ADGRE2: variants seen among roughly 807,000 people sequenced by gnomAD.
ADGRE2 encodes the protein adhesion G protein-coupled receptor E2.
A neutral mutation model predicts 100.8 loss-of-function variants in ADGRE2; 83 were observed. That is an observed-to-expected ratio of 0.82 (90% CI 0.69 to 0.99). The LOEUF is 0.99. Ranked by LOEUF, ADGRE2 falls within the 50% of genes least tolerant of loss-of-function variation. The probability of loss-of-function intolerance (pLI) is 0.00; values close to 1 mark genes in which losing one functional copy is unlikely to be tolerated. For synonymous variants in ADGRE2, 355 were observed against 413.0 expected (o/e 0.86, Z 1.70); for missense variants, 814 against 1,035.7 (o/e 0.79, Z 2.94).
intron 18 of ADGRE2, among the ~76,000 whole-genome samples, chr19:14,745,950 G>A (rs960649898): frequency 2.5e-4 from 38 of 152,098 alleles, no homozygotes; most frequent in East Asian, 1.9e-4. Flanking sequence ...TGATCGAATC[G>A]TATCCTATTT....
At chr19:14,726,892 A>G in the ADGRE2 span, among the ~76,000 whole-genome samples, 2 of 152,130 alleles carry the variant, frequency 1.3e-5, no homozygotes, top group Non-Finnish European at 2.9e-5. Context: ...TGAGCCCTCC[A>G]AACTCTTCCA....
chr19:14,761,410 A>G (rs1311212267), intron 11 of ADGRE2, among the ~76,000 whole-genome samples: 3 of 151,976 alleles, frequency 2.0e-5, no homozygotes, highest in African/African-American at 7.3e-5. Context: ...TGTCTCCAAC[A>G]GAAGACAACA....
chr19:14,774,027 G>T lies in ADGRE2; in HGVS notation c.110C>A (p.Ser37Tyr). Residue 37 changes from serine (S) to tyrosine (Y), a missense_variant, in exon 4 of 21, where the codon TCC becomes TAC. Ser to Tyr is a moderately radical substitution (Grantham distance 144). Around this residue, in one of 5 missense-constraint regions of ADGRE2, gnomAD observed 143 missense variants for 160.3 expected, o/e 0.89. Coordinates refer to ENST00000315576, the MANE Select transcript of ADGRE2 (RefSeq NM_013447.4). ...ACAGGCGGTGGCATTGACACACGAG[G>T]AGTCCTGAGGGCACCACCGGGCACA... is the stretch of plus-strand genomic sequence containing the variant. ...RGCARWCPQD[S>Y]SCVNATACRC... 1 of 1,613,984 alleles carries T rather than the reference G, an allele frequency of 6.2e-7. No homozygotes were observed. Among genetic ancestry groups the T allele is most frequent in the African/African-American group, 1.3e-5 (1 of 74,978 alleles).
chr19:14,744,503 T>C (rs1360240284), intron 18 of ADGRE2, among the ~76,000 whole-genome samples: 1 of 152,122 alleles, frequency 6.6e-6, no homozygotes, highest in Admixed American at 6.6e-5. Context: ...TCACCCAGGC[T>C]GGAGTGCAGT....
In ADGRE2 at chr19:14,733,413, C is replaced by T. The variant is rs186781449; in HGVS notation, c.*2823G>A. The T allele has an allele frequency of 1.3e-5, 2 of 152,288 alleles. No homozygotes were observed. The highest frequency in any genetic ancestry group is 1.9e-4 in the East Asian group (1 of 5,192). The allele number at this position is 152,288 out of a possible 1,614,324, so 9.4% of individuals were successfully genotyped here. The stretch of plus-strand genomic sequence containing the variant: ...GGAGGAAAAGTCTCTTGGGTAACTG[C>T]CAAACTTCACCCTCATACAATGGGC... On this transcript the variant is annotated 3_prime_UTR_variant, in exon 21 of 21. Coordinates refer to ENST00000315576, the MANE Select transcript of ADGRE2 (RefSeq NM_013447.4).
downstream of ADGRE2, chr19:14,731,322 T>C (rs2042669502): frequency 1.0e-5 from 9 of 868,840 alleles, no homozygotes; most frequent in South Asian, 1.1e-4. Context: ...GTCAGTGGCC[T>C]TGGACTTTCA....
rs1348787800 is a variant in ADGRE2 at position 14,755,748 on chromosome 19, G to A, written c.1322C>T (p.Ser441Phe). 1.2e-6 allele frequency: 2 copies of A among 1,614,164 alleles called. No homozygotes were observed. The highest frequency in any genetic ancestry group is 8.5e-7 in the Non-Finnish European group (1 of 1,180,006). Reference sequence around the variant, plus strand: ...GATCACATCTGAGAGCAGGATGGGGGAGCCGTCCTGCAGCAAGCCCTGGTG... The same window carrying A: ...GATCACATCTGAGAGCAGGATGGGGAAGCCGTCCTGCAGCAAGCCCTGGTG... ...ETHQGLLQDG[S>F]PILLSDVISA... is the part of the protein sequence containing the mutation. Residue 441 changes from serine (S) to phenylalanine (F), a missense_variant, in exon 13 of 21, where the codon TCC (serine) becomes TTC (phenylalanine). Physicochemically the swap from Ser to Phe is radical, Grantham distance 155. Transcript: ENST00000315576.
chr19:14,751,263 A>G (rs959360009), intron 16 of ADGRE2, among the ~76,000 whole-genome samples, 173 bp downstream of exon 16: 6 of 152,188 alleles, frequency 3.9e-5, no homozygotes, highest in Admixed American at 3.3e-4. Context: ...CTTGAAATGT[A>G]ATTGAAATAA....
chr19:14,755,823 T>C lies in ADGRE2; in HGVS notation c.1247A>G (p.Glu416Gly). The change falls in exon 13 of 21, where the codon GAG becomes GGG. Residue 416 changes from glutamate (E) to glycine (G), a missense_variant. This residue lies in a region of ADGRE2 where 569 missense variants were observed against 692.7 expected (regional missense o/e 0.82). Coordinates refer to ENST00000315576, the MANE Select transcript of ADGRE2 (RefSeq NM_013447.4). Reference sequence around the variant, plus strand: ...CTCAGGTTCCAGGACCAGAGGGGCCTCAGCCAGCAACTTGCCCATCCCTGG... The same window carrying C: ...CTCAGGTTCCAGGACCAGAGGGGCCCCAGCCAGCAACTTGCCCATCCCTGG... ...SIPGMGKLLA[E>G]APLVLEPEKQ... 6.2e-7 allele frequency: 1 copy of C among 1,614,176 alleles called. No homozygotes were observed. Among genetic ancestry groups the C allele is most frequent in the Non-Finnish European group, 8.5e-7 (1 of 1,180,036 alleles).
chr19:14,764,737 G>A (rs747452083), intron 10 of ADGRE2, 127 bp from the exon 11 acceptor site: 141 of 1,023,532 alleles, frequency 1.4e-4, no homozygotes, highest in Non-Finnish European at 1.8e-4. Context: ...TGGCATTGGC[G>A]GCTGGGCGCG....
rs759974915 is a variant in ADGRE2 at position 14,755,702 on chromosome 19, G to C, written c.1368C>G (p.Asn456Lys). 1.7e-5 allele frequency: 28 copies of C among 1,614,068 alleles called. No homozygotes were observed. In the South Asian group the frequency reaches 3.1e-4, roughly 18 times the overall value. Residue 456 changes from asparagine (N) to lysine (K), a missense_variant, in exon 13 of 21, where the codon AAC becomes AAG. Asn to Lys is a moderately conservative substitution (Grantham distance 94). Transcript: ENST00000315576. ...CTGGGGAGCTGAGGTTTTGGGTGTCGTTGTTGCTCAGAAAGGCAGAGATCA... is the reference window on the plus strand; with the variant it reads ...CTGGGGAGCTGAGGTTTTGGGTGTCCTTGTTGCTCAGAAAGGCAGAGATCA... The part of the protein sequence containing the change: ...SDVISAFLSN[N>K]DTQNLSSPVT...
In ADGRE2 at chr19:14,732,469, T is replaced by G. The variant is rs1452484608; in HGVS notation, c.*3767A>C. On this transcript the variant is annotated 3_prime_UTR_variant, in exon 21 of 21. Coordinates refer to ENST00000315576, the MANE Select transcript of ADGRE2 (RefSeq NM_013447.4). ...AGTGGAGCCTGCAATATCTCTGAGG[T>G]GTGTCTGTATGTGCTCATCACATAT... 6.6e-6 allele frequency: 1 copy of G among 152,096 alleles called. No homozygotes were observed. Among genetic ancestry groups the G allele is most frequent in the Non-Finnish European group, 1.5e-5 (1 of 68,020 alleles). 9.4% of individuals were successfully genotyped at this position (152,096 alleles called of 1,614,324 possible).
At chr19:14,739,827 G>A (rs2042873141) in intron 20 of ADGRE2, among the ~76,000 whole-genome samples, 1 of 151,954 alleles carries the variant, frequency 6.6e-6, no homozygotes. Context: ...TGGACTGGGC[G>A]CAGTGGCTCA....
chr19:14,769,993 C>T (rs961648914), intron 5 of ADGRE2, among the ~76,000 whole-genome samples: 11 of 152,172 alleles, frequency 7.2e-5, no homozygotes, highest in African/African-American at 2.2e-4. Context: ...CCACTGCGCC[C>T]GGCCAGTGCT....
chr19:14,765,677 T>C lies in ADGRE2; in HGVS notation c.762A>G (p.Gln254=). 6.2e-7 allele frequency: 1 copy of C among 1,610,932 alleles called. No individual in the cohort carries two copies. The highest frequency in any genetic ancestry group is 8.5e-7 in the Non-Finnish European group (1 of 1,178,248). Residue 254 remains glutamine, a synonymous_variant, in exon 8 of 21, where the codon CAA becomes CAG. Coordinates refer to ENST00000315576, the MANE Select transcript of ADGRE2 (RefSeq NM_013447.4). ...WKPRHGIPNN[Q]KDTVCEDMTF... is the part of the protein sequence containing the mutation. ...TCATACCTTCACAGACAGTGTCCTT[T>C]TGGTTATTCGGGATTCCGTGTCTGG...
chr19:14,757,486 A>T (rs1426723684), intron 11 of ADGRE2, among the ~76,000 whole-genome samples: 1 of 152,192 alleles, frequency 6.6e-6, no homozygotes, highest in East Asian at 1.9e-4. Flanking sequence ...CTTACTACAA[A>T]CTGACAGTAA....
intron 15 of ADGRE2, among the ~76,000 whole-genome samples, chr19:14,752,077 G>A (rs2043313999): frequency 6.6e-6 from 1 of 151,754 alleles, no homozygotes; most frequent in Non-Finnish European, 1.5e-5. Context: ...GGGATTACAG[G>A]TATGCGCCAC....
intron 16 of ADGRE2, 109 bp from the exon 17 acceptor site, chr19:14,747,071 A>G: frequency 9.6e-6 from 9 of 937,554 alleles, no homozygotes; most frequent in Non-Finnish European, 6.7e-6. Flanking sequence ...TCCTACGTCA[A>G]CAATATTAAG....
At chr19:14,757,207 G>A (rs1271906566) in intron 11 of ADGRE2, among the ~76,000 whole-genome samples, 17 of 152,106 alleles carry the variant, frequency 1.1e-4, no homozygotes, top group Admixed American at 1.1e-3. Context: ...CTACAAAAGT[G>A]TTTGAAAGAA....
Sources: gnomAD v4.1 joint callset for allele counts (sites outside exome capture counted in the v4.1 genomes callset) on GRCh38, gnomAD v4.1.1 for gene constraint, gnomAD v4.1.1 regional missense constraint, MANE v1.5 for transcripts, NCBI Gene and HGNC (gene_info 2026-07-23, HGNC 2026-07-21) for gene names.